CCDC141: variants seen among roughly 807,000 people sequenced by gnomAD.
The protein encoded by CCDC141 is coiled-coil domain-containing protein 141.
CCDC141 carries 168 observed loss-of-function variants against 181.0 expected under a neutral mutation model. That is an observed-to-expected ratio of 0.93 (90% CI 0.82 to 1.05). CCDC141 has a LOEUF of 1.05. Ranked by LOEUF, CCDC141 falls within the 50% of genes least tolerant of loss-of-function variation. The pLI is 0.00. For missense variants in CCDC141, 1,902 were observed against 1,788.5 expected (o/e 1.06, Z -1.14); for synonymous variants, 666 against 642.3 (o/e 1.04, Z -0.56).
Position 179,050,137 on chromosome 2 carries a change from C to G in CCDC141, c.-196G>C, listed in dbSNP as rs1008420893. 1 of 742,940 alleles carries G rather than the reference C, an allele frequency of 1.3e-6. No homozygotes were observed. The highest frequency in any genetic ancestry group is 1.8e-5 in the African/African-American group (1 of 56,528). 46.0% of individuals were successfully genotyped at this position (742,940 alleles called of 1,614,324 possible). ...GAGTTTATCGTGAGAGAGAAAGGAG[C>G]GAACGAGAGAGAATTGCCACGCCCC... On this transcript the variant is annotated 5_prime_UTR_variant, in exon 1 of 24. Transcript: ENST00000443758.
chr2:178,873,239 A>G (rs1686198538), intron 12 of CCDC141: 1 of 152,132 alleles, frequency 6.6e-6, no homozygotes, highest in African/African-American at 2.4e-5. Flanking sequence ...TTTAAATGAT[A>G]TTGATGTTGC....
Position 178,978,689 on chromosome 2 carries a change from A to T in CCDC141, c.226-14T>A. 1 of 1,504,186 alleles carries T rather than the reference A, an allele frequency of 6.6e-7. No individual in the cohort carries two copies. Among genetic ancestry groups the T allele is most frequent in the Non-Finnish European group, 8.9e-7 (1 of 1,124,456 alleles). The allele number at this position is 1,504,186 out of a possible 1,614,324, so 93.2% of individuals were successfully genotyped here. ...ATCTTCCAAAGCCTAAGTACAAAAG[A>T]AAAAGGCATAAGGCAGGGTGTTAAC... On this transcript the variant is annotated splice_polypyrimidine_tract_variant and intron_variant, in intron 2 of 23. Transcript: ENST00000443758.
chr2:178,894,966 T>C (rs1215578644), intron 8 of CCDC141, among the ~76,000 whole-genome samples: 1 of 152,190 alleles, frequency 6.6e-6, no homozygotes, highest in East Asian at 1.9e-4. Context: ...TAAAAATATC[T>C]TTTAATGTAT....
chr2:178,884,242 A>G (rs1240540890), intron 11 of CCDC141, among the ~76,000 whole-genome samples: 1 of 151,248 alleles, frequency 6.6e-6, no homozygotes, highest in Non-Finnish European at 1.5e-5. Context: ...ATGTGAAGAA[A>G]AAAAAAAAAA....
At chr2:178,974,672 C>T (rs969436401) in intron 4 of CCDC141, among the ~76,000 whole-genome samples, 2 of 152,108 alleles carry the variant, frequency 1.3e-5, no homozygotes, top group Non-Finnish European at 2.9e-5. Context: ...CATTTATTGA[C>T]CCTTAGAAGG....
At chr2:179,015,932 T>C (rs895339077) in intron 2 of CCDC141, among the ~76,000 whole-genome samples, 8 of 127,006 alleles carry the variant, frequency 6.3e-5, no homozygotes, top group Non-Finnish European at 1.4e-4. Context: ...ATCATATAAT[T>C]TCATATATAT....
At chr2:179,034,524 A>G (rs977808181) in intron 2 of CCDC141, among the ~76,000 whole-genome samples, 3 of 152,236 alleles carry the variant, frequency 2.0e-5, no homozygotes, top group Non-Finnish European at 2.9e-5. Flanking sequence ...AAACATGGTC[A>G]ATATGAGAGC....
At chr2:178,934,923 A>G (rs1466676707) in intron 6 of CCDC141, among the ~76,000 whole-genome samples, 1 of 152,134 alleles carries the variant, frequency 6.6e-6, no homozygotes, top group African/African-American at 2.4e-5. Context: ...CCACACCCAA[A>G]CAAAAGTCCA....
chr2:179,036,152 C>T (rs2043139210), intron 2 of CCDC141, among the ~76,000 whole-genome samples: 1 of 152,272 alleles, frequency 6.6e-6, no homozygotes, highest in South Asian at 2.1e-4. Flanking sequence ...AGGACAGGGC[C>T]GAGGTCAGGA....
chr2:178,983,487 G>A (rs187099609), intron 2 of CCDC141, among the ~76,000 whole-genome samples: 2 of 152,018 alleles, frequency 1.3e-5, no homozygotes, highest in South Asian at 2.1e-4. Context: ...CGAGCTGAGA[G>A]AAGAAGGCTT....
rs1352092636 is a variant in CCDC141 at position 178,881,909 on chromosome 2, TCTCTCTCA to T, written c.1719+2984_1719+2991del. ...GACCCTGTCTCTCTCTCTCTCTCTCTCTCTCTCACACACACACACACACACACACACAC... is the reference window on the plus strand; with the variant it reads ...GACCCTGTCTCTCTCTCTCTCTCTCTCACACACACACACACACACACACAC... On this transcript the variant is annotated intron_variant, in intron 11 of 23. Transcript: ENST00000443758. Among the ~76,000 whole-genome samples the T allele has an allele frequency of 3.1e-3, 337 of 107,216 alleles. 1 individual carries two copies. The highest frequency in any genetic ancestry group is 0.012 in the African/African-American group (316 of 27,256). 70.3% of individuals were successfully genotyped at this position (107,216 alleles called of 152,430 possible).
rs954937170 is a variant in CCDC141, at chr2:178,945,768, T to A, written c.781-1117A>T. Among the ~76,000 whole-genome samples, 3 of 151,956 alleles carry A rather than the reference T, an allele frequency of 2.0e-5. No homozygotes were observed. In the East Asian group the frequency reaches 5.8e-4, roughly 29 times the overall value. On this transcript the variant is annotated intron_variant, in intron 5 of 23. Coordinates refer to ENST00000443758, the MANE Select transcript of CCDC141 (RefSeq NM_173648.4). The stretch of plus-strand genomic sequence containing the variant: ...AGGATTTCTCTGAAATCCTATAACA[T>A]GGAGAAATGTGTACAACAGGTAGCC...
intron 22 of CCDC141, 142 bp from the exon 23 acceptor site, chr2:178,837,886 AT>A: frequency 1.2e-6 from 1 of 803,986 alleles, no homozygotes; most frequent in Non-Finnish European, 1.9e-6. Flanking sequence ...AGAATTACGG[AT>A]GAGAAACCAT....
chr2:178,933,466 C>G (rs998690164), intron 6 of CCDC141, among the ~76,000 whole-genome samples: 1 of 152,134 alleles, frequency 6.6e-6, no homozygotes, highest in African/African-American at 2.4e-5. Context: ...TAATCTCTAA[C>G]AACTCTCTGA....
chr2:179,025,929 T>C (rs1006899018), intron 2 of CCDC141, among the ~76,000 whole-genome samples: 5 of 152,164 alleles, frequency 3.3e-5, no homozygotes, highest in Non-Finnish European at 5.9e-5. Context: ...TTTGTGGAAC[T>C]TTGAACTTAA....
At chr2:178,893,947 G>A (rs1687287295) in intron 8 of CCDC141, among the ~76,000 whole-genome samples, 1 of 152,048 alleles carries the variant, frequency 6.6e-6, no homozygotes, top group Non-Finnish European at 1.5e-5. Context: ...TGTAGAGATG[G>A]CTAGAAGTTC....
intron 7 of CCDC141, among the ~76,000 whole-genome samples, chr2:178,917,099 T>TA (rs1234875965): frequency 6.6e-6 from 1 of 152,128 alleles, no homozygotes; most frequent in Non-Finnish European, 1.5e-5. Context: ...CTGTAAACTA[T>TA]AGGGTTTGTA....
At chr2:178,836,732 C>T (rs972000515) in intron 23 of CCDC141, 162 bp downstream of exon 23, 34 of 712,574 alleles carry the variant, frequency 4.8e-5, no homozygotes, top group Non-Finnish European at 7.1e-5. Flanking sequence ...TATGCTGCTA[C>T]TAAAATGAGA....
At chr2:178,841,666 T>C (rs906011338) in intron 22 of CCDC141, among the ~76,000 whole-genome samples, 4 of 152,242 alleles carry the variant, frequency 2.6e-5, no homozygotes, top group African/African-American at 7.2e-5. Flanking sequence ...ATTTTTGAGA[T>C]GGAGTTTCAC....
Sources: allele counts gnomAD v4.1 joint callset (sites outside exome capture counted in the v4.1 genomes callset), GRCh38; gene constraint gnomAD v4.1.1; transcripts MANE v1.5; gene names NCBI Gene and HGNC (gene_info 2026-07-23, HGNC 2026-07-21).